FHOD3: variants seen among roughly 807,000 people sequenced by gnomAD.
FHOD3 encodes formin homology 2 domain containing 3, also known as FH1/FH2 domain-containing protein 3.
A neutral mutation model predicts 173.0 loss-of-function variants in FHOD3; 90 were observed. The ratio of observed to expected loss-of-function variants is 0.52; its 90% CI spans 0.44 to 0.62. The LOEUF is 0.62. Among genes scored for constraint, FHOD3 ranks in the 20% least tolerant of loss-of-function variants. The probability of loss-of-function intolerance (pLI) is 0.00; values close to 1 mark genes in which losing one functional copy is unlikely to be tolerated. For missense variants in FHOD3, 1,945 were observed against 2,034.7 expected, an observed-to-expected ratio of 0.96 and a Z score of 0.85; for synonymous variants, 828 against 823.0, an observed-to-expected ratio of 1.01 and a Z score of -0.10.
chr18:36,703,371 C>T (rs1000109628), intron 17 of FHOD3, among the ~76,000 whole-genome samples: 1 of 152,192 alleles, frequency 6.6e-6, no homozygotes, highest in African/African-American at 2.4e-5. Flanking sequence ...TCAGCATCCT[C>T]AGGCACAGAG....
intron 17 of FHOD3, among the ~76,000 whole-genome samples, chr18:36,703,623 A>T (rs1568634491): frequency 6.6e-6 from 1 of 152,188 alleles, no homozygotes; most frequent in Non-Finnish European, 1.5e-5. Flanking sequence ...GGCAAGCAGG[A>T]CCTGATGTCC....
At chr18:36,736,437 G>A (rs2041635798) in intron 20 of FHOD3, among the ~76,000 whole-genome samples, 1 of 152,180 alleles carries the variant, frequency 6.6e-6, no homozygotes, top group African/African-American at 2.4e-5. Context: ...GAAAAAATCA[G>A]GTCACATAAA....
chr18:36,420,518 T>A (rs2049932339), intron 3 of FHOD3, among the ~76,000 whole-genome samples: 1 of 152,232 alleles, frequency 6.6e-6, no homozygotes, highest in Non-Finnish European at 1.5e-5. Context: ...CTGTGAGATA[T>A]GAGGATCTTA....
chr18:36,415,238 T>C (rs947369253), intron 3 of FHOD3, among the ~76,000 whole-genome samples: 2 of 152,234 alleles, frequency 1.3e-5, no homozygotes, highest in Admixed American at 1.3e-4. Flanking sequence ...TGGTTAGTGC[T>C]AATTCACTTT....
At chr18:36,749,130 A>G (rs1204492472) in intron 24 of FHOD3, among the ~76,000 whole-genome samples, 1 of 152,162 alleles carries the variant, frequency 6.6e-6, no homozygotes, top group East Asian at 1.9e-4. Context: ...TACTTTTTGA[A>G]ACTGTTTCCT....
At chr18:36,701,805 G>A (rs1377048765) in intron 17 of FHOD3, among the ~76,000 whole-genome samples, 1 of 152,088 alleles carries the variant, frequency 6.6e-6, no homozygotes, top group African/African-American at 2.4e-5. Flanking sequence ...AGAAGTTATG[G>A]GATCTATAAG....
intron 3 of FHOD3, among the ~76,000 whole-genome samples, chr18:36,471,059 G>A (rs547719415): frequency 9.9e-5 from 15 of 152,174 alleles, no homozygotes; most frequent in African/African-American, 1.9e-4. Context: ...CTCAGGGATC[G>A]CAGTGTCCCA....
intron 3 of FHOD3, among the ~76,000 whole-genome samples, chr18:36,470,684 A>G (rs1043778736): frequency 6.6e-6 from 1 of 152,226 alleles, no homozygotes; most frequent in Non-Finnish European, 1.5e-5. Context: ...GGTGAGCAAA[A>G]TGATAGTAGC....
rs1415353648 is a variant in FHOD3 at position 36,612,170 on chromosome 18, G to A, written c.957+75G>A. The A allele has an allele frequency of 4.0e-6, 6 of 1,513,410 alleles. No homozygotes were observed. The East Asian group carries it at 9.1e-5, about 23-fold the overall frequency. The allele number at this position is 1,513,410 out of a possible 1,614,324, so 93.7% of individuals were successfully genotyped here. ...AAAGGCTGAGATGGCGCCTACTTTA[G>A]ACCACGCGTAAAGCGTATGAGCACC... On this transcript the variant is annotated intron_variant, in intron 9 of 28. Coordinates refer to ENST00000590592, the MANE Select transcript of FHOD3 (RefSeq NM_001281740.3).
chr18:36,597,599 T>TG (rs1487083342), intron 7 of FHOD3, among the ~76,000 whole-genome samples: 2 of 152,084 alleles, frequency 1.3e-5, no homozygotes, highest in Non-Finnish European at 2.9e-5. Flanking sequence ...GCTAATTTTT[T>TG]GTATTTTTAG....
In FHOD3 at chr18:36,693,320, C is replaced by T; in HGVS notation, c.2133C>T (p.Ala711=). The T allele has an allele frequency of 6.2e-7, 1 of 1,613,864 alleles. No individual in the cohort carries two copies. The highest frequency in any genetic ancestry group is 8.5e-7 in the Non-Finnish European group (1 of 1,179,820). ...DLSLDLTSPA[A]PACLAPLSHS... ...CCTTGGACCTGACCTCGCCAGCAGC[C>T]CCAGCCTGCCTGGCTCCTCTGAGCC... The change falls in exon 17 of 29, where the codon GCC becomes GCT. Residue 711 remains alanine, a synonymous_variant. Transcript: ENST00000590592.
intron 3 of FHOD3, among the ~76,000 whole-genome samples, chr18:36,418,837 C>T (rs2049820379): frequency 6.6e-6 from 1 of 152,004 alleles, no homozygotes; most frequent in African/African-American, 2.4e-5. Context: ...ATTCTTGAGC[C>T]CGGGAGGCAG....
chr18:36,759,978 G>T (rs546701661), intron 26 of FHOD3, among the ~76,000 whole-genome samples: 10 of 152,114 alleles, frequency 6.6e-5, no homozygotes, highest in Admixed American at 2.6e-4. Context: ...TATGTGTCTT[G>T]TTCTGTTTTG....
intron 2 of FHOD3, among the ~76,000 whole-genome samples, chr18:36,367,212 G>A (rs567277169): frequency 2.1e-4 from 32 of 152,288 alleles, no homozygotes; most frequent in African/African-American, 6.0e-4. Context: ...TTCTTTTAGC[G>A]GTAGTGCCGT....
intron 4 of FHOD3, among the ~76,000 whole-genome samples, chr18:36,503,433 A>C (rs12955359): frequency 0.14 from 21,819 of 152,160 alleles, 2,326 homozygotes; most frequent in East Asian, 0.59. Flanking sequence ...GGCAAAAGGG[A>C]AGGCCCAAAA....
intron 3 of FHOD3, among the ~76,000 whole-genome samples, chr18:36,499,073 TTTTTG>T (rs149323059): frequency 0.11 from 17,039 of 150,914 alleles, 1,475 homozygotes; most frequent in East Asian, 0.28. Flanking sequence ...CCTATTGCTA[TTTTTG>T]TTTTGTTTTG....
At chr18:36,750,864 C>T (rs1173780959) in intron 24 of FHOD3, among the ~76,000 whole-genome samples, 1 of 152,220 alleles carries the variant, frequency 6.6e-6, no homozygotes, top group Non-Finnish European at 1.5e-5. Flanking sequence ...TGTACTAGTA[C>T]TATGCTGTCG....
At chr18:36,652,084 G>A (rs1262595023) in intron 11 of FHOD3, among the ~76,000 whole-genome samples, 1 of 150,502 alleles carries the variant, frequency 6.6e-6, no homozygotes, top group African/African-American at 2.5e-5. Context: ...AAAAGGTTCT[G>A]GAAGCAGTCA....
intron 5 of FHOD3, among the ~76,000 whole-genome samples, chr18:36,536,590 A>C (rs12963694): frequency 0.5 from 75,946 of 152,036 alleles, 19,070 homozygotes; most frequent in East Asian, 0.63. Flanking sequence ...CCCTTCCTTG[A>C]TGCTGCAGCC....
Sources: allele counts gnomAD v4.1 joint callset (sites outside exome capture counted in the v4.1 genomes callset), GRCh38; gene constraint gnomAD v4.1.1; transcripts MANE v1.5; gene names NCBI Gene and HGNC (gene_info 2026-07-23, HGNC 2026-07-21).